RAD17: variants seen among roughly 807,000 people sequenced by gnomAD.
The protein encoded by RAD17 is cell cycle checkpoint protein RAD17.
A neutral mutation model predicts 81.5 loss-of-function variants in RAD17; 31 were observed. That is an observed-to-expected ratio of 0.38 (90% CI 0.29 to 0.51). The LOEUF (loss-of-function observed/expected upper bound fraction) is 0.51, where lower values mean the gene tolerates loss of function less well. RAD17 is among the 20% of genes least tolerant of loss of function. The probability of loss-of-function intolerance (pLI) is 0.88; values close to 1 mark genes in which losing one functional copy is unlikely to be tolerated. For missense variants in RAD17, 681 were observed against 781.2 expected, an observed-to-expected ratio of 0.87 and a Z score of 1.53; for synonymous variants, 261 against 266.2, an observed-to-expected ratio of 0.98 and a Z score of 0.19.
intron 6 of RAD17, among the ~76,000 whole-genome samples, 195 bp from the exon 7 acceptor site, chr5:69,381,706 A>G (rs541009086): frequency 4.6e-5 from 7 of 152,180 alleles, no homozygotes; most frequent in African/African-American, 1.4e-4. Flanking sequence ...AAAAGGGGGG[A>G]AAAAGGCAAT....
intron 4 of RAD17, among the ~76,000 whole-genome samples, chr5:69,373,332 G>A (rs567121215): frequency 2.4e-4 from 37 of 152,144 alleles, no homozygotes; most frequent in South Asian, 6.2e-4. Flanking sequence ...AAGTAGACAA[G>A]TATGCACTTG....
chr5:69,412,955 G>GT (rs1401092086), intron 18 of RAD17, among the ~76,000 whole-genome samples: 1 of 147,840 alleles, frequency 6.8e-6, no homozygotes, highest in Non-Finnish European at 1.5e-5. Flanking sequence ...CTACTGCCCT[G>GT]TAGCCTGGGT....
At chr5:69,403,577 T>C (rs1230413991) in intron 17 of RAD17, among the ~76,000 whole-genome samples, 2 of 152,192 alleles carry the variant, frequency 1.3e-5, no homozygotes, top group Admixed American at 6.6e-5. Flanking sequence ...AAAGTAGATA[T>C]TTAGTCTTTA....
intron 17 of RAD17, among the ~76,000 whole-genome samples, chr5:69,401,590 T>C (rs369014098): frequency 3.3e-5 from 5 of 152,338 alleles, no homozygotes; most frequent in African/African-American, 1.2e-4. Flanking sequence ...GAAAATGTTA[T>C]GCATTCATAG....
chr5:69,393,264 T>A (rs1342772613), intron 14 of RAD17, 24 bp downstream of exon 14: 2 of 1,577,264 alleles, frequency 1.3e-6, no homozygotes, highest in Non-Finnish European at 1.7e-6. Flanking sequence ...TGACACTTAG[T>A]ATAGGTTACA....
intron 4 of RAD17, among the ~76,000 whole-genome samples, chr5:69,372,887 G>C (rs1377345526): frequency 6.6e-6 from 1 of 152,070 alleles, no homozygotes; most frequent in African/African-American, 2.4e-5. Flanking sequence ...TGGAATTATA[G>C]GTGTGAGCTA....
chr5:69,384,371 A>G (rs1481610658), intron 7 of RAD17, among the ~76,000 whole-genome samples: 1 of 150,122 alleles, frequency 6.7e-6, no homozygotes, highest in Admixed American at 6.6e-5. Flanking sequence ...CAGTGACACA[A>G]TCTTGGCTCA....
At chr5:69,385,962 C>T in intron 8 of RAD17, 81 bp from the exon 9 acceptor site, 3 of 1,276,072 alleles carry the variant, frequency 2.4e-6, no homozygotes, top group South Asian at 2.1e-5. Context: ...ATATTTTTGC[C>T]TACCTCAATA....
chr5:69,369,633 G>A (rs375175335), upstream of RAD17: 12 of 1,565,564 alleles, frequency 7.7e-6, no homozygotes, highest in Middle Eastern at 5.0e-4. Flanking sequence ...TGCCCCGGCG[G>A]CCCAGCCGCG....
intron 15 of RAD17, among the ~76,000 whole-genome samples, chr5:69,395,420 G>T (rs926024298): frequency 6.6e-6 from 1 of 152,174 alleles, no homozygotes; most frequent in South Asian, 2.1e-4. Context: ...GCTGTGGTGG[G>T]AGAATCACTT....
chr5:69,377,464 TATATATATATAC>T (rs1763440536), intron 6 of RAD17, among the ~76,000 whole-genome samples: 1 of 4,998 alleles, frequency 2.0e-4, no homozygotes, highest in African/African-American at 2.5e-4. Context: ...TATATATATA[TATATATATATAC>T]ACACACACAC....
intron 7 of RAD17, among the ~76,000 whole-genome samples, chr5:69,383,657 G>A (rs1235156275): frequency 6.6e-6 from 1 of 152,142 alleles, no homozygotes; most frequent in Non-Finnish European, 1.5e-5. Context: ...TGGGATTACA[G>A]GCGTGAGCCA....
At chr5:69,383,541 G>C (rs1304843535) in intron 7 of RAD17, among the ~76,000 whole-genome samples, 1 of 151,876 alleles carries the variant, frequency 6.6e-6, no homozygotes, top group East Asian at 1.9e-4. Flanking sequence ...ACCATGCCCG[G>C]CTTATTTTTG....
At chr5:69,405,053 C>T (rs79678150) in intron 17 of RAD17, among the ~76,000 whole-genome samples, 238 of 152,222 alleles carry the variant, frequency 1.6e-3, no homozygotes, top group African/African-American at 5.4e-3. Flanking sequence ...CACTTAAAAC[C>T]ACAATGAGAT....
chr5:69,379,008 G>A (rs1344824127), intron 6 of RAD17, among the ~76,000 whole-genome samples: 1 of 152,174 alleles, frequency 6.6e-6, no homozygotes, highest in African/African-American at 2.4e-5. Flanking sequence ...TTGGGAGGTC[G>A]AGGTGGGTGG....
chr5:69,412,866 G>A (rs1766094144), intron 18 of RAD17, among the ~76,000 whole-genome samples: 2 of 151,934 alleles, frequency 1.3e-5, no homozygotes, highest in East Asian at 1.9e-4. Context: ...GTGCCCGCGT[G>A]TAATCCCTGC....
chr5:69,410,381 G>A (rs1765891207), intron 17 of RAD17, 112 bp from the exon 18 acceptor site: 5 of 773,534 alleles, frequency 6.5e-6, no homozygotes, highest in Admixed American at 2.6e-5. Context: ...CTATGGCTTG[G>A]ATTTGCATTT....
intron 6 of RAD17, among the ~76,000 whole-genome samples, chr5:69,377,437 G>GTATATATATATATATATA (rs1229779615): frequency 1.6e-4 from 4 of 25,774 alleles, no homozygotes; most frequent in East Asian, 1.5e-3. Flanking sequence ...GTGTGTGTGT[G>GTATATATATATATATATA]TGTATATATA....
rs758955988 is a variant in RAD17, at chr5:69,374,096, A to T, written c.267+9A>T. The stretch of plus-strand genomic sequence containing the variant: ...ATAAACCAGAAACTCAGGTACTGAA[A>T]AGCATGCAGACATATCTACATAATT... On this transcript the variant is annotated intron_variant, in intron 5 of 18. Transcript: ENST00000354868. 1.1e-5 allele frequency: 17 copies of T among 1,599,306 alleles called. No individual in the cohort carries two copies. The highest frequency in any genetic ancestry group is 7.0e-5 in the Admixed American group (4 of 56,998).
Sources: allele counts gnomAD v4.1 joint callset (sites outside exome capture counted in the v4.1 genomes callset), GRCh38; gene constraint gnomAD v4.1.1; transcripts MANE v1.5; gene names NCBI Gene and HGNC (gene_info 2026-07-23, HGNC 2026-07-21).